The following ATG2B variants were observed in gnomAD, a reference collection of about 807,000 sequenced individuals.
The protein encoded by ATG2B is autophagy-related protein 2 homolog B.
A neutral mutation model predicts 241.3 loss-of-function variants in ATG2B; 121 were observed. That is an observed-to-expected ratio of 0.50 (90% CI 0.43 to 0.58). ATG2B has a LOEUF of 0.58. Ranked by LOEUF, ATG2B falls within the 20% of genes least tolerant of loss-of-function variation. The pLI is 0.00. For missense variants in ATG2B, 2,306 were observed against 2,491.6 expected (o/e 0.93, Z 1.59); for synonymous variants, 858 against 876.6 (o/e 0.98, Z 0.37).
chr14:96,322,750 A>G lies in ATG2B; in HGVS notation c.2541-15T>C. On this transcript the variant is annotated splice_polypyrimidine_tract_variant and intron_variant, in intron 16 of 41. Transcript: ENST00000359933. ...TCAGTACAATTCTGATAGCAAAGAC[A>G]ATTTTAAAAAGACCAAGATCTAAGT... 6.2e-7 allele frequency: 1 copy of G among 1,605,354 alleles called. No individual in the cohort carries two copies. The highest frequency in any genetic ancestry group is 8.5e-7 in the Non-Finnish European group (1 of 1,176,294).
chr14:96,317,981 T>C (rs1595308790), intron 18 of ATG2B, 126 bp from the exon 19 acceptor site: 1 of 636,560 alleles, frequency 1.6e-6, no homozygotes, highest in East Asian at 2.8e-5. Flanking sequence ...GGAAATTAGA[T>C]CCTACAAGAA....
chr14:96,326,275 A>C (rs1414352277), intron 14 of ATG2B, among the ~76,000 whole-genome samples: 1 of 152,210 alleles, frequency 6.6e-6, no homozygotes, highest in Non-Finnish European at 1.5e-5. Flanking sequence ...TACGGTTAAA[A>C]ATCACTGTAG....
intron 29 of ATG2B, among the ~76,000 whole-genome samples, chr14:96,308,264 ATATATATATATATATATAT>A (rs1887040398): frequency 1.5e-3 from 19 of 12,626 alleles, no homozygotes; most frequent in African/African-American, 4.8e-3. Flanking sequence ...ACACATATAT[ATATATATATATATATATAT>A]TTTTTTTTTT....
At chr14:96,328,617 C>A in intron 13 of ATG2B, 57 bp downstream of exon 13, 1 of 1,547,570 alleles carries the variant, frequency 6.5e-7, no homozygotes, top group South Asian at 1.2e-5. Context: ...ATAATTGTGA[C>A]AAAATATATA....
intron 6 of ATG2B, among the ~76,000 whole-genome samples, chr14:96,337,493 C>T (rs1436891239): frequency 6.6e-6 from 1 of 152,086 alleles, no homozygotes; most frequent in Non-Finnish European, 1.5e-5. Context: ...GGTGGGAATG[C>T]AGATTAGTAC....
At chr14:96,346,194 CT>C (rs1888165668) in intron 2 of ATG2B, among the ~76,000 whole-genome samples, 1 of 152,016 alleles carries the variant, frequency 6.6e-6, no homozygotes, top group Non-Finnish European at 1.5e-5. Flanking sequence ...AAAGAGCATC[CT>C]TGGAGGAGGA....
rs868425930 is a variant in ATG2B, at chr14:96,288,762, G to A, written c.6006+894C>T. ...AAACTCCCTTATGTCATATTAAAAA[G>A]AATGTCAAAAAGAGTATGCCAGGGA... On this transcript the variant is annotated intron_variant, in intron 41 of 41. Transcript: ENST00000359933. 2.8e-5 allele frequency among the ~76,000 whole-genome samples: 4 copies of A among 140,558 alleles called. 1 individual carries two copies. The South Asian group carries it at 9.1e-4, about 32-fold the overall frequency. The allele number at this position is 140,558 out of a possible 152,430, so 92.2% of individuals were successfully genotyped here.
intron 21 of ATG2B, among the ~76,000 whole-genome samples, chr14:96,315,950 T>A (rs1887299049): frequency 6.6e-6 from 1 of 152,198 alleles, no homozygotes; most frequent in Non-Finnish European, 1.5e-5. Context: ...TATAGTCCCA[T>A]CGACTGATGA....
At chr14:96,315,672 G>A (rs905079521) in intron 21 of ATG2B, 89 bp from the exon 22 acceptor site, 42 of 953,494 alleles carry the variant, frequency 4.4e-5, no homozygotes, top group Non-Finnish European at 5.3e-5. Flanking sequence ...AAAAATCCAC[G>A]TACTTCCACT....
chr14:96,291,454 T>C, intron 38 of ATG2B, 146 bp downstream of exon 38: 1 of 507,760 alleles, frequency 2.0e-6, no homozygotes, highest in Non-Finnish European at 3.5e-6. Flanking sequence ...AATCAGTGCC[T>C]AAATCTTAAG....
At chr14:96,316,764 G>C in intron 20 of ATG2B, 81 bp from the exon 21 acceptor site, 2 of 1,272,350 alleles carry the variant, frequency 1.6e-6, no homozygotes, top group Non-Finnish European at 2.2e-6. Flanking sequence ...GCTCTTTGTT[G>C]ATTCAGCTTA....
chr14:96,321,381 G>A lies in ATG2B; in HGVS notation c.2879+731C>T, dbSNP rs1025705213. Among the ~76,000 whole-genome samples, 8 of 152,260 alleles carry A rather than the reference G, an allele frequency of 5.3e-5. 1 individual carries two copies. Among genetic ancestry groups the A allele is most frequent in the Admixed American group, 1.3e-4 (2 of 15,294 alleles). ...CATGACAATCTTTCAGGTATGCTAC[G>A]GAGAAATCCCTTCAGTGGGTAGGAA... On this transcript the variant is annotated intron_variant, in intron 18 of 41. Coordinates refer to ENST00000359933, the MANE Select transcript of ATG2B (RefSeq NM_018036.7).
chr14:96,302,505 C>T (rs946844911), intron 33 of ATG2B, among the ~76,000 whole-genome samples: 2 of 152,130 alleles, frequency 1.3e-5, no homozygotes, highest in Admixed American at 1.3e-4. Context: ...CTAGTTTGAG[C>T]GCAGGAGGTC....
At chr14:96,312,377 C>T (rs1034264634) in intron 25 of ATG2B, among the ~76,000 whole-genome samples, 6 of 152,294 alleles carry the variant, frequency 3.9e-5, no homozygotes, top group African/African-American at 1.2e-4. Context: ...AAATCATCTA[C>T]TCAAATTAAT....
At chr14:96,313,826 A>T (rs1887230290) in intron 23 of ATG2B, among the ~76,000 whole-genome samples, 2 of 152,206 alleles carry the variant, frequency 1.3e-5, no homozygotes. Context: ...GAAATTAATA[A>T]CAATGTATGC....
chr14:96,308,274 A>ATATATG (rs1887049743), intron 29 of ATG2B, among the ~76,000 whole-genome samples: 15 of 25,858 alleles, frequency 5.8e-4, no homozygotes, highest in South Asian at 1.3e-3. Flanking sequence ...ATATATATAT[A>ATATATG]TATATATATT....
At chr14:96,335,187 T>C (rs1392174295) in intron 6 of ATG2B, among the ~76,000 whole-genome samples, 1 of 152,218 alleles carries the variant, frequency 6.6e-6, no homozygotes, top group Non-Finnish European at 1.5e-5. Context: ...ATTCTCTATA[T>C]TACATTCTAA....
chr14:96,312,821 T>C (rs756434685), intron 25 of ATG2B, among the ~76,000 whole-genome samples: 2 of 152,184 alleles, frequency 1.3e-5, no homozygotes, highest in Admixed American at 6.5e-5. Context: ...CCATATGTTT[T>C]AAAATGCAAA....
At chr14:96,292,472 G>C (rs1312980323) in intron 36 of ATG2B, among the ~76,000 whole-genome samples, 2 of 151,952 alleles carry the variant, frequency 1.3e-5, no homozygotes, top group Non-Finnish European at 2.9e-5. Context: ...TTCATTCAAA[G>C]AATAAATTAA....
Sources: gnomAD v4.1 joint callset for allele counts (sites outside exome capture counted in the v4.1 genomes callset) on GRCh38, gnomAD v4.1.1 for gene constraint, MANE v1.5 for transcripts, NCBI Gene and HGNC (gene_info 2026-07-23, HGNC 2026-07-21) for gene names.